Variants in VIT observed in about 807,000 individuals in gnomAD.
VIT encodes vitrin.
In VIT, 99 loss-of-function variants were observed where a neutral mutation model predicts 78.0. That is an observed-to-expected ratio of 1.27 (90% CI 1.08 to 1.50). The LOEUF is 1.50. VIT is among the 40% of genes most tolerant of loss of function. VIT has a pLI of 0.00. For synonymous variants in VIT, 374 were observed against 334.3 expected, an observed-to-expected ratio of 1.12 and a Z score of -1.29; for missense variants, 1,126 against 875.3, an observed-to-expected ratio of 1.29 and a Z score of -3.61.
intron 4 of VIT, among the ~76,000 whole-genome samples, chr2:36,747,717 G>C (rs1339838247): frequency 6.6e-6 from 1 of 152,160 alleles, no homozygotes; most frequent in Non-Finnish European, 1.5e-5. Context: ...TTGCCACACT[G>C]TGCCTTTTAA....
At chr2:36,798,851 C>G (rs1666106745) in intron 12 of VIT, among the ~76,000 whole-genome samples, 2 of 152,180 alleles carry the variant, frequency 1.3e-5, no homozygotes, top group African/African-American at 2.4e-5. Context: ...CAGTGCTCCT[C>G]CACTGTGTGA....
chr2:36,712,526 C>T (rs780342737), intron 1 of VIT, among the ~76,000 whole-genome samples: 1 of 151,858 alleles, frequency 6.6e-6, no homozygotes, highest in African/African-American at 2.4e-5. Context: ...ATTCACATAC[C>T]ATAAAATATG....
At chr2:36,698,645 T>C (rs1219720849) in intron 1 of VIT, among the ~76,000 whole-genome samples, 2 of 152,200 alleles carry the variant, frequency 1.3e-5, no homozygotes, top group Admixed American at 6.5e-5. Context: ...TCAAAACTTC[T>C]ATAGCAATGT....
rs759221422 is a variant in VIT at position 36,783,327 on chromosome 2, C to T, written c.848-13C>T. ...TCCTTGTAAGTCACCAAAAGTTTTACTGCTCTTTCCAGGACTTGTTCCAAA... is the reference window on the plus strand; with the variant it reads ...TCCTTGTAAGTCACCAAAAGTTTTATTGCTCTTTCCAGGACTTGTTCCAAA... On this transcript the variant is annotated splice_polypyrimidine_tract_variant and intron_variant, in intron 10 of 15. Transcript: ENST00000379242. 13 of 1,613,980 alleles carry T rather than the reference C, an allele frequency of 8.1e-6. No individual in the cohort carries two copies. The highest frequency in any genetic ancestry group is 1.0e-5 in the Non-Finnish European group (12 of 1,179,886).
rs138495092 is a variant in VIT at position 36,710,417 on chromosome 2, T to C, written c.-18-5936T>C. Among the ~76,000 whole-genome samples, 572 of 152,198 alleles carry C rather than the reference T, an allele frequency of 3.8e-3. 3 individuals carry two copies. The highest frequency in any genetic ancestry group is 0.013 in the African/African-American group (552 of 41,524). ...GCATGAAGAATATATATATTTAAAG[T>C]ATAGAGTCTGATAAGTTTTGGCATA... On this transcript the variant is annotated intron_variant, in intron 1 of 15. Coordinates refer to ENST00000379242, the MANE Select transcript of VIT (RefSeq NM_053276.4).
intron 6 of VIT, among the ~76,000 whole-genome samples, chr2:36,762,616 G>T (rs11674497): frequency 0.49 from 74,641 of 151,814 alleles, 19,733 homozygotes; most frequent in East Asian, 0.65. Flanking sequence ...TTAAAGGAGT[G>T]GTCCCCTTGG....
intron 5 of VIT, among the ~76,000 whole-genome samples, chr2:36,757,897 T>C (rs1405918410): frequency 2.0e-5 from 3 of 152,146 alleles, no homozygotes; most frequent in Non-Finnish European, 2.9e-5. Flanking sequence ...ACCTAGATTG[T>C]CTTACTCCTA....
At chr2:36,777,175 A>G (rs1160201495) in intron 9 of VIT, among the ~76,000 whole-genome samples, 1 of 144,242 alleles carries the variant, frequency 6.9e-6, no homozygotes, top group African/African-American at 2.4e-5. Flanking sequence ...TCTGTTTCAA[A>G]TGAGAAAGTG....
chr2:36,733,992 C>T (rs936126263), intron 3 of VIT, among the ~76,000 whole-genome samples: 16 of 152,186 alleles, frequency 1.1e-4, no homozygotes, highest in African/African-American at 3.9e-4. Flanking sequence ...ATCACTTTAG[C>T]TTTAATGTGA....
intron 4 of VIT, among the ~76,000 whole-genome samples, chr2:36,754,421 T>C (rs1356610907): frequency 6.6e-6 from 1 of 152,130 alleles, no homozygotes; most frequent in Non-Finnish European, 1.5e-5. Context: ...TCCCAGAAAT[T>C]TAAAGAAACA....
intron 9 of VIT, among the ~76,000 whole-genome samples, chr2:36,781,356 C>G (rs537494774): frequency 6.6e-6 from 1 of 152,312 alleles, no homozygotes; most frequent in South Asian, 2.1e-4. Flanking sequence ...AATGAATCCC[C>G]TGTCTCTGGA....
At chr2:36,730,841 G>A (rs949705688) in intron 3 of VIT, among the ~76,000 whole-genome samples, 2 of 152,228 alleles carry the variant, frequency 1.3e-5, no homozygotes, top group Non-Finnish European at 2.9e-5. Flanking sequence ...ATGTGGCTGA[G>A]TCTGAGGACT....
At chr2:36,805,937 C>T (rs1374424226) in intron 14 of VIT, among the ~76,000 whole-genome samples, 1 of 152,152 alleles carries the variant, frequency 6.6e-6, no homozygotes, top group Non-Finnish European at 1.5e-5. Flanking sequence ...GGGGGTCTCA[C>T]CCAGGCAGCC....
Position 36,720,243 on chromosome 2 carries a change from C to T in VIT, c.52+3821C>T, listed in dbSNP as rs192932042. On this transcript the variant is annotated intron_variant, in intron 2 of 15. Coordinates refer to ENST00000379242, the MANE Select transcript of VIT (RefSeq NM_053276.4). ...ATCAAATACCCAACATCCAAATACA[C>T]TACAAAGCTATAGTAATCAAAACAG... is the stretch of plus-strand genomic sequence containing the variant. 3.3e-5 allele frequency among the ~76,000 whole-genome samples: 5 copies of T among 152,200 alleles called. No homozygotes were observed. In the East Asian group the frequency reaches 9.7e-4, roughly 29 times the overall value.
At chr2:36,737,910 C>G (rs138568963) in intron 3 of VIT, among the ~76,000 whole-genome samples, 172 of 152,326 alleles carry the variant, frequency 1.1e-3, no homozygotes, top group African/African-American at 4.0e-3. Context: ...AGAGGATTAA[C>G]TTTCTAGCCC....
chr2:36,808,342 A>G, intron 14 of VIT, 130 bp from the exon 15 acceptor site: 1 of 1,279,606 alleles, frequency 7.8e-7, no homozygotes, highest in East Asian at 2.6e-5. Flanking sequence ...ATGGAAGAAC[A>G]CGGTAGGAGG....
intron 12 of VIT, among the ~76,000 whole-genome samples, chr2:36,799,568 A>C (rs1180709483): frequency 1.3e-5 from 2 of 151,984 alleles, no homozygotes; most frequent in Non-Finnish European, 2.9e-5. Context: ...AAATGAAAAA[A>C]TTTGCTGGGT....
intron 2 of VIT, among the ~76,000 whole-genome samples, chr2:36,721,313 T>C (rs1460621122): frequency 6.6e-6 from 1 of 152,194 alleles, no homozygotes; most frequent in African/African-American, 2.4e-5. Flanking sequence ...AATCACTCTA[T>C]TAATGAAAAA....
chr2:36,781,599 G>C, intron 9 of VIT, 128 bp from the exon 10 acceptor site: 1 of 933,982 alleles, frequency 1.1e-6, no homozygotes, highest in Admixed American at 2.6e-5. Flanking sequence ...CCAAAATTCT[G>C]GCCCTCTGTT....
Sources: gnomAD v4.1 joint callset for allele counts (sites outside exome capture counted in the v4.1 genomes callset) on GRCh38, gnomAD v4.1.1 for gene constraint, MANE v1.5 for transcripts, NCBI Gene and HGNC (gene_info 2026-07-23, HGNC 2026-07-21) for gene names.